Variants in SULF1 observed in about 807,000 individuals in gnomAD.
SULF1 encodes the protein extracellular sulfatase Sulf-1.
A neutral mutation model predicts 110.5 loss-of-function variants in SULF1; 46 were observed. That is an observed-to-expected ratio of 0.42 (90% CI 0.33 to 0.53). The LOEUF (loss-of-function observed/expected upper bound fraction) is 0.53, where lower values mean the gene tolerates loss of function less well. Among genes scored for constraint, SULF1 ranks in the 20% least tolerant of loss-of-function variants. SULF1 has a pLI of 0.12. For missense variants in SULF1, 941 were observed against 1,094.2 expected (o/e 0.86, Z 1.98); for synonymous variants, 371 against 387.1 (o/e 0.96, Z 0.49).
chr8:69,480,819 A>G (rs1381891051), intron 1 of SULF1, among the ~76,000 whole-genome samples: 1 of 146,890 alleles, frequency 6.8e-6, no homozygotes, highest in Non-Finnish European at 1.5e-5. Context: ...GTTCTCACTC[A>G]TAGGTGGGAA....
chr8:69,646,053 C>A (rs2130710777), intron 22 of SULF1, among the ~76,000 whole-genome samples: 1 of 152,120 alleles, frequency 6.6e-6, no homozygotes, highest in African/African-American at 2.4e-5. Flanking sequence ...GAACAGGGTA[C>A]CAGTACAGCA....
At chr8:69,627,955 C>T in intron 17 of SULF1, 89 bp downstream of exon 17, 1 of 1,014,614 alleles carries the variant, frequency 9.9e-7, no homozygotes, top group South Asian at 1.4e-5. Context: ...TTCTCTCTTA[C>T]CTATAGAATG....
intron 6 of SULF1, among the ~76,000 whole-genome samples, chr8:69,578,941 A>G (rs1805845622): frequency 6.6e-6 from 1 of 152,048 alleles, no homozygotes; most frequent in African/African-American, 2.4e-5. Context: ...AGGCTGGCGG[A>G]TCACGAGGTC....
intron 19 of SULF1, chr8:69,638,291 A>T: frequency 1.7e-6 from 1 of 595,982 alleles, no homozygotes; most frequent in Non-Finnish European, 2.9e-6. Flanking sequence ...CCTATAAGAG[A>T]TCACTATCTT....
intron 13 of SULF1, among the ~76,000 whole-genome samples, chr8:69,617,098 C>A (rs917712721): frequency 6.6e-6 from 1 of 151,958 alleles, no homozygotes; most frequent in African/African-American, 2.4e-5. Context: ...GATTCCCAAA[C>A]TTTGCAAAGT....
At chr8:69,585,560 G>A (rs529020295) in intron 6 of SULF1, among the ~76,000 whole-genome samples, 118 of 152,204 alleles carry the variant, frequency 7.8e-4, no homozygotes, top group African/African-American at 2.7e-3. Flanking sequence ...TCAGCCCTGT[G>A]GCACAGTGGT....
chr8:69,638,304 T>C (rs1811207060), intron 19 of SULF1, 198 bp from the exon 20 acceptor site: 3 of 629,244 alleles, frequency 4.8e-6, no homozygotes, highest in South Asian at 2.1e-5. Flanking sequence ...ACTATCTTTT[T>C]TCCCATTTTC....
rs181739344 is a variant in SULF1, at chr8:69,645,493, C to T, written c.2585+4652C>T. On this transcript the variant is annotated intron_variant, in intron 22 of 22. Transcript: ENST00000402687. Reference sequence around the variant, plus strand: ...AAACAACCACCTCTGTGCCAAACGCCGCCTTCACAGGGAGTGCAGTCTGGT... The same window carrying T: ...AAACAACCACCTCTGTGCCAAACGCTGCCTTCACAGGGAGTGCAGTCTGGT... Among the ~76,000 whole-genome samples the T allele has an allele frequency of 2.2e-3, 329 of 152,296 alleles. 2 individuals carry two copies. Among genetic ancestry groups the T allele is most frequent in the African/African-American group, 7.3e-3 (303 of 41,558 alleles).
At chr8:69,545,155 TA>T (rs1814166478) in intron 3 of SULF1, among the ~76,000 whole-genome samples, 1 of 121,160 alleles carries the variant, frequency 8.3e-6, no homozygotes, top group Non-Finnish European at 1.8e-5. Context: ...CCAGAAACCT[TA>T]AACTGCCTAA....
At chr8:69,622,489 G>T (rs986965674) in intron 14 of SULF1, among the ~76,000 whole-genome samples, 10 of 152,016 alleles carry the variant, frequency 6.6e-5, no homozygotes, top group Non-Finnish European at 1.5e-4. Context: ...GAAAGCTGAG[G>T]CAGGAGAATT....
rs1442396546 is a variant in SULF1 at position 69,495,764 on chromosome 8, G to A, written c.-390-1G>A. The A allele has an allele frequency of 6.6e-6, 1 of 152,158 alleles. No homozygotes were observed. Among genetic ancestry groups the A allele is most frequent in the African/African-American group, 2.4e-5 (1 of 41,436 alleles). 9.4% of individuals were successfully genotyped at this position (152,158 alleles called of 1,614,324 possible). On this transcript the variant is annotated splice_acceptor_variant, in intron 1 of 22. Coordinates refer to ENST00000402687, the MANE Select transcript of SULF1 (RefSeq NM_001128205.2). LOFTEE classifies it low-confidence loss of function (5UTR_SPLICE). The stretch of plus-strand genomic sequence containing the variant: ...TCAAAAACAAACCCTTTCCTTAACA[G>A]GGATTCTTCACTTCTCTTGAACAAG...
chr8:69,636,410 G>T (rs570769842), intron 19 of SULF1, among the ~76,000 whole-genome samples: 1 of 152,022 alleles, frequency 6.6e-6, no homozygotes, highest in Non-Finnish European at 1.5e-5. Flanking sequence ...GGTGGCGGGC[G>T]CCTGTAGTCC....
intron 1 of SULF1, among the ~76,000 whole-genome samples, chr8:69,473,642 T>A (rs1283214397): frequency 6.6e-6 from 1 of 152,214 alleles, no homozygotes; most frequent in Admixed American, 6.5e-5. Context: ...TTATTACATA[T>A]CCAATCACAT....
chr8:69,504,491 G>A (rs955595833), intron 3 of SULF1, among the ~76,000 whole-genome samples: 1 of 152,128 alleles, frequency 6.6e-6, no homozygotes, highest in Non-Finnish European at 1.5e-5. Flanking sequence ...GGAGGCGGAG[G>A]TTGCAGTGAG....
chr8:69,595,004 A>G (rs1282916531), intron 8 of SULF1, among the ~76,000 whole-genome samples: 1 of 152,240 alleles, frequency 6.6e-6, no homozygotes, highest in Non-Finnish European at 1.5e-5. Context: ...TAGTTGCACA[A>G]TTCATTGTTG....
rs113806817 is a variant in SULF1 at position 69,632,678 on chromosome 8, G to A, written c.2284+2999G>A. On this transcript the variant is annotated intron_variant, in intron 19 of 22. Transcript: ENST00000402687. ...TATCAATTTTTAAAATAAACACACC[G>A]TCTATATTTCATTACACTAATATAC... 4.0e-3 allele frequency among the ~76,000 whole-genome samples: 602 copies of A among 152,062 alleles called. 5 individuals are homozygous for A. The highest frequency in any genetic ancestry group is 0.014 in the African/African-American group (575 of 41,486).
intron 3 of SULF1, among the ~76,000 whole-genome samples, chr8:69,532,693 T>G (rs1397208286): frequency 1.3e-5 from 2 of 152,228 alleles, no homozygotes; most frequent in Non-Finnish European, 2.9e-5. Context: ...AGAATCAGTT[T>G]GTTTTTTGTT....
intron 19 of SULF1, among the ~76,000 whole-genome samples, chr8:69,636,501 C>CACTCCAGCCTGGGCGACAGAGCGAT: frequency 6.6e-6 from 1 of 151,776 alleles, no homozygotes; most frequent in Admixed American, 6.6e-5. Context: ...CGCTCCACTG[C>CACTCCAGCCTGGGCGACAGAGCGAT]ACTCCAGCCT....
intron 13 of SULF1, among the ~76,000 whole-genome samples, chr8:69,619,641 G>A (rs1343308388): frequency 1.3e-5 from 2 of 152,244 alleles, no homozygotes; most frequent in South Asian, 2.1e-4. Flanking sequence ...AGTGAACTCT[G>A]TCTCACATAG....
Sources: allele counts gnomAD v4.1 joint callset (sites outside exome capture counted in the v4.1 genomes callset), GRCh38; gene constraint gnomAD v4.1.1; transcripts MANE v1.5; gene names NCBI Gene and HGNC (gene_info 2026-07-23, HGNC 2026-07-21).